KLF8: variants seen among roughly 807,000 people sequenced by gnomAD.
KLF8 encodes KLF transcription factor 8.
In KLF8, 10 loss-of-function variants were observed where a neutral mutation model predicts 18.2. That is an observed-to-expected ratio of 0.55 (90% CI 0.34 to 0.93). The LOEUF (loss-of-function observed/expected upper bound fraction) is 0.93, where lower values mean the gene tolerates loss of function less well. Among genes scored for constraint, KLF8 ranks in the 40% least tolerant of loss-of-function variants. The probability of loss-of-function intolerance (pLI) is 0.02; values close to 1 mark genes in which losing one functional copy is unlikely to be tolerated. For missense variants in KLF8, 264 were observed against 277.9 expected, an observed-to-expected ratio of 0.95 and a Z score of 0.36; for synonymous variants, 109 against 97.3, an observed-to-expected ratio of 1.12 and a Z score of -0.71.
At chrX:55,938,631 T>C in the KLF8 span, among the ~76,000 whole-genome samples, 1 of 110,390 alleles carries the variant, frequency 9.1e-6, no homozygotes, top group South Asian at 3.9e-4. Flanking sequence ...AGGAAACCCA[T>C]CTCACGTGCA....
the KLF8 span, among the ~76,000 whole-genome samples, chrX:56,112,104 C>T: frequency 4.5e-5 from 5 of 111,636 alleles, no homozygotes; most frequent in South Asian, 3.8e-4. Context: ...AATGATAGAC[C>T]GGATTCAGAA....
At chrX:56,271,212 G>T (rs915829566) in intron 5 of KLF8, among the ~76,000 whole-genome samples, 12 of 110,849 alleles carry the variant, frequency 1.1e-4, no homozygotes, top group Non-Finnish European at 2.1e-4. Context: ...GTGGGGTTGG[G>T]AATGTAGGTG....
the KLF8 span, among the ~76,000 whole-genome samples, chrX:56,024,315 C>T: frequency 9.2e-6 from 1 of 108,743 alleles, no homozygotes; most frequent in African/African-American, 3.4e-5. Flanking sequence ...TCAAGCTATT[C>T]TCTTGCCTCA....
the KLF8 span, among the ~76,000 whole-genome samples, chrX:56,153,609 G>A: frequency 9.0e-6 from 1 of 111,345 alleles, no homozygotes; most frequent in Admixed American, 9.6e-5. Context: ...GAAATAAAGG[G>A]TATTCAATTA....
At chrX:56,123,271 A>AAAG in the KLF8 span, among the ~76,000 whole-genome samples, 3 of 91,279 alleles carry the variant, frequency 3.3e-5, no homozygotes, top group African/African-American at 1.6e-4. Flanking sequence ...GAAAGAAAGA[A>AAAG]AAAGAAAGAA....
the KLF8 span, among the ~76,000 whole-genome samples, chrX:55,995,808 T>A: frequency 1.8e-5 from 2 of 111,587 alleles, no homozygotes; most frequent in African/African-American, 6.5e-5. Flanking sequence ...CTGCCTTTAA[T>A]ATTTTTTTCT....
In KLF8 at chrX:56,237,164, A is replaced by G. The variant is rs764859479; in HGVS notation, c.7+3823A>G. Among the ~76,000 whole-genome samples the G allele has an allele frequency of 1.7e-3, 161 of 93,367 alleles. 2 individuals are homozygous for G. The highest frequency in any genetic ancestry group is 3.0e-3 in the Non-Finnish European group (142 of 47,595). 81.1% of individuals were successfully genotyped at this position (93,367 alleles called of 115,157 possible). Reference sequence around the variant, plus strand: ...CCCCAAAAAAATTCATACATTGAAGACCTAATACCTAAGCTTGTGACTGTA... The same window carrying G: ...CCCCAAAAAAATTCATACATTGAAGGCCTAATACCTAAGCTTGTGACTGTA... On this transcript the variant is annotated intron_variant, in intron 1 of 5. Coordinates refer to ENST00000468660, the MANE Select transcript of KLF8 (RefSeq NM_007250.5).
At chrX:56,089,906 T>A in the KLF8 span, among the ~76,000 whole-genome samples, 1 of 112,012 alleles carries the variant, frequency 8.9e-6, no homozygotes, top group Non-Finnish European at 1.9e-5. Flanking sequence ...AAGGGAAAAA[T>A]AAGTATGCTG....
the KLF8 span, among the ~76,000 whole-genome samples, chrX:56,150,878 A>G: frequency 9.0e-6 from 1 of 111,658 alleles, no homozygotes; most frequent in Non-Finnish European, 1.9e-5. Flanking sequence ...TACTAATATA[A>G]AACTGTAATA....
chrX:56,021,499 A>G, the KLF8 span, among the ~76,000 whole-genome samples: 2 of 111,248 alleles, frequency 1.8e-5, no homozygotes, highest in Non-Finnish European at 3.8e-5. Flanking sequence ...ATAAAGGGGT[A>G]GAATTGCGGT....
At chrX:56,156,385 C>G in the KLF8 span, among the ~76,000 whole-genome samples, 2 of 110,227 alleles carry the variant, frequency 1.8e-5, no homozygotes, top group Admixed American at 9.8e-5. Context: ...TCTCCCTCCT[C>G]TCACCATCCA....
chrX:56,027,074 A>G, the KLF8 span, among the ~76,000 whole-genome samples: 1 of 112,920 alleles, frequency 8.9e-6, no homozygotes, highest in Admixed American at 9.3e-5. Flanking sequence ...GGGTAGTTTC[A>G]TATACAGCCA....
At chrX:56,000,352 A>G in the KLF8 span, among the ~76,000 whole-genome samples, 9,730 of 108,190 alleles carry the variant, frequency 0.09, 1,091 homozygotes, top group African/African-American at 0.31. Context: ...TACTTGCTTC[A>G]TAGTATGAGT....
chrX:56,106,517 T>A, the KLF8 span, among the ~76,000 whole-genome samples: 1 of 112,363 alleles, frequency 8.9e-6, no homozygotes. Context: ...TACTGAAGCT[T>A]GTGCATGCAT....
At chrX:56,213,322 T>C in the KLF8 span, among the ~76,000 whole-genome samples, 50 of 75,026 alleles carry the variant, frequency 6.7e-4, no homozygotes, top group African/African-American at 2.5e-3. Flanking sequence ...TTCTTTTTTT[T>C]TTTTTTTTTT....
the KLF8 span, among the ~76,000 whole-genome samples, chrX:56,050,504 T>C: frequency 8.9e-6 from 1 of 112,307 alleles, no homozygotes; most frequent in South Asian, 3.7e-4. Context: ...CATCTTTATT[T>C]CTGCCTTCAT....
the KLF8 span, among the ~76,000 whole-genome samples, chrX:55,948,245 A>G: frequency 8.9e-6 from 1 of 112,557 alleles, no homozygotes; most frequent in Admixed American, 9.4e-5. Context: ...AATGACCAAT[A>G]AAACTTTAGG....
chrX:56,049,231 C>T, the KLF8 span, among the ~76,000 whole-genome samples: 1 of 111,375 alleles, frequency 9.0e-6, no homozygotes. Flanking sequence ...ATTTGACTTC[C>T]TCTTTTCCTA....
chrX:55,931,421 TTTGTTTGCTCTTGCTTCTCTCA>T, the KLF8 span, among the ~76,000 whole-genome samples: 1 of 111,672 alleles, frequency 9.0e-6, no homozygotes, highest in South Asian at 3.7e-4. Flanking sequence ...AGCTTTTGTA[TTTGTTTGCTCTTGCTTCTCTCA>T]TTGTTTTAAT....
Sources: gnomAD v4.1 joint callset for allele counts (sites outside exome capture counted in the v4.1 genomes callset) on GRCh38, gnomAD v4.1.1 for gene constraint, MANE v1.5 for transcripts, NCBI Gene and HGNC (gene_info 2026-07-23, HGNC 2026-07-21) for gene names.